TMPRSS11F: variants seen among roughly 807,000 people sequenced by gnomAD.
The protein encoded by TMPRSS11F is transmembrane serine protease 11F.
Under a neutral mutation model 60.2 loss-of-function variants are expected in TMPRSS11F, and 47 were observed. The ratio of observed to expected loss-of-function variants is 0.78; its 90% confidence interval spans 0.62 to 1.00. The LOEUF (loss-of-function observed/expected upper bound fraction) is 1.00. Among genes scored for constraint, TMPRSS11F ranks in the 50% least tolerant of loss-of-function variants. The probability of loss-of-function intolerance (pLI) is 0.00; values close to 1 mark genes in which losing one functional copy is unlikely to be tolerated. For synonymous variants in TMPRSS11F, 166 were observed against 167.3 expected (o/e 0.99, Z 0.06); for missense variants, 519 against 522.9 (o/e 0.99, Z 0.07).
At chr4:68,063,749 T>C (rs1723257433) in intron 8 of TMPRSS11F, among the ~76,000 whole-genome samples, 2 of 152,100 alleles carry the variant, frequency 1.3e-5, no homozygotes. Flanking sequence ...ATTTATACAA[T>C]TACTAGACTT....
chr4:68,087,807 G>C (rs991919279), intron 3 of TMPRSS11F, among the ~76,000 whole-genome samples: 7 of 151,230 alleles, frequency 4.6e-5, no homozygotes, highest in Non-Finnish European at 1.0e-4. Context: ...CCATGCTGGT[G>C]TGCTGCACCC....
At chr4:68,095,318 A>C (rs1197984402) in intron 2 of TMPRSS11F, among the ~76,000 whole-genome samples, 2 of 152,118 alleles carry the variant, frequency 1.3e-5, no homozygotes, top group Non-Finnish European at 2.9e-5. Flanking sequence ...CTTTGAAATC[A>C]ATAAGAAAAA....
chr4:68,098,533 C>G (rs1282836417), intron 2 of TMPRSS11F, among the ~76,000 whole-genome samples: 5 of 152,106 alleles, frequency 3.3e-5, no homozygotes, highest in African/African-American at 4.8e-5. Context: ...CTTCTTATAT[C>G]CTGAGCTTTT....
At chr4:68,106,550 A>G (rs1724304824) in intron 1 of TMPRSS11F, among the ~76,000 whole-genome samples, 1 of 152,182 alleles carries the variant, frequency 6.6e-6, no homozygotes, top group Admixed American at 6.5e-5. Flanking sequence ...TGTCATTATG[A>G]TAAGTGACTT....
intron 1 of TMPRSS11F, among the ~76,000 whole-genome samples, chr4:68,115,068 G>A (rs1433911216): frequency 2.0e-5 from 3 of 150,828 alleles, no homozygotes; most frequent in South Asian, 2.1e-4. Context: ...AAAGTTTCCC[G>A]GCCGGGCGCA....
intron 3 of TMPRSS11F, among the ~76,000 whole-genome samples, chr4:68,076,153 T>C (rs537984106): frequency 6.6e-6 from 1 of 152,182 alleles, no homozygotes; most frequent in South Asian, 2.1e-4. Flanking sequence ...AGAATAACCA[T>C]GGAGACATCA....
intron 2 of TMPRSS11F, among the ~76,000 whole-genome samples, chr4:68,093,606 C>G (rs1723997839): frequency 6.6e-6 from 1 of 151,892 alleles, no homozygotes; most frequent in African/African-American, 2.4e-5. Context: ...TCAGAGTGAA[C>G]AGGCAACCTA....
chr4:68,116,482 TAAA>T (rs925412488), intron 1 of TMPRSS11F, among the ~76,000 whole-genome samples: 8 of 148,140 alleles, frequency 5.4e-5, no homozygotes, highest in Non-Finnish European at 1.2e-4. Flanking sequence ...TTCACAGAAA[TAAA>T]AAAAAAATCC....
intron 2 of TMPRSS11F, among the ~76,000 whole-genome samples, chr4:68,093,828 G>C (rs192347019): frequency 5.7e-4 from 85 of 149,622 alleles, no homozygotes; most frequent in African/African-American, 2.0e-3. Flanking sequence ...TCAGAGAACT[G>C]CAAATCAAAA....
intron 9 of TMPRSS11F, among the ~76,000 whole-genome samples, chr4:68,055,176 G>A (rs1383954702): frequency 6.6e-6 from 1 of 152,204 alleles, no homozygotes; most frequent in Non-Finnish European, 1.5e-5. Flanking sequence ...TGTGTGATGA[G>A]TCTGGAAGGT....
At chr4:68,062,866 T>C (rs755062021) in intron 8 of TMPRSS11F, 32 of 777,076 alleles carry the variant, frequency 4.1e-5, no homozygotes, top group South Asian at 4.0e-4. Context: ...GTGGTCTGTT[T>C]GCTGCCCAAT....
chr4:68,107,928 T>C (rs1251351542), intron 1 of TMPRSS11F, among the ~76,000 whole-genome samples: 1 of 152,080 alleles, frequency 6.6e-6, no homozygotes, highest in Non-Finnish European at 1.5e-5. Flanking sequence ...AAAGTGAGAC[T>C]CTGTCTCAAA....
chr4:68,115,356 C>CAAAAAAAAAAA (rs57550471), intron 1 of TMPRSS11F, among the ~76,000 whole-genome samples: 1 of 74,690 alleles, frequency 1.3e-5, no homozygotes. Context: ...GACACCATCT[C>CAAAAAAAAAAA]AAAAAAAAAA....
chr4:68,076,683 C>T (rs1245956171), intron 3 of TMPRSS11F, among the ~76,000 whole-genome samples: 3 of 152,170 alleles, frequency 2.0e-5, no homozygotes, highest in Non-Finnish European at 4.4e-5. Flanking sequence ...TAGCAGCAAA[C>T]ATCAGAGATA....
At chr4:68,071,091 T>C (rs1723452784) in intron 5 of TMPRSS11F, among the ~76,000 whole-genome samples, 1 of 152,210 alleles carries the variant, frequency 6.6e-6, no homozygotes, top group Admixed American at 6.5e-5. Flanking sequence ...GTCACTTTTG[T>C]AATGGATATT....
chr4:68,118,491 T>G (rs1010086832), intron 1 of TMPRSS11F, among the ~76,000 whole-genome samples: 1 of 152,230 alleles, frequency 6.6e-6, no homozygotes. Flanking sequence ...GTATATTTTA[T>G]GCAATTTAAA....
At chr4:68,080,403 A>ATT (rs1453093640) in intron 3 of TMPRSS11F, 1 of 152,228 alleles carries the variant, frequency 6.6e-6, no homozygotes, top group Non-Finnish European at 1.5e-5. Flanking sequence ...CTCTATCCAA[A>ATT]TTGCACTGAG....
At chr4:68,120,347 T>C (rs902219323) in intron 1 of TMPRSS11F, among the ~76,000 whole-genome samples, 1 of 151,310 alleles carries the variant, frequency 6.6e-6, no homozygotes, top group Non-Finnish European at 1.5e-5. Context: ...TAAAATGCTA[T>C]CAAACAGCAT....
chr4:68,112,452 T>C (rs1577934184), intron 1 of TMPRSS11F, among the ~76,000 whole-genome samples: 1 of 152,172 alleles, frequency 6.6e-6, no homozygotes, highest in African/African-American at 2.4e-5. Context: ...TTATTTGTTG[T>C]GCTCTCTCTG....
Sources: gnomAD v4.1 joint callset for allele counts (sites outside exome capture counted in the v4.1 genomes callset) on GRCh38, gnomAD v4.1.1 for gene constraint, MANE v1.5 for transcripts, NCBI Gene and HGNC (gene_info 2026-07-23, HGNC 2026-07-21) for gene names.